The following STPG2 variants were observed in gnomAD, a reference collection of about 807,000 sequenced individuals.
STPG2 encodes the protein sperm tail PG-rich repeat containing 2.
A neutral mutation model predicts 54.2 loss-of-function variants in STPG2; 56 were observed. The ratio of observed to expected loss-of-function variants is 1.03; its 90% CI spans 0.83 to 1.29. STPG2 has a LOEUF of 1.29. STPG2 is among the 50% of genes most tolerant of loss of function. STPG2 has a pLI of 0.00. For missense variants in STPG2, 596 were observed against 544.9 expected (o/e 1.09, Z -0.93); for synonymous variants, 200 against 181.8 (o/e 1.10, Z -0.81).
At chr4:97,657,532 T>C (rs1722249751) in intron 10 of STPG2, among the ~76,000 whole-genome samples, 2 of 152,192 alleles carry the variant, frequency 1.3e-5, no homozygotes, top group African/African-American at 4.8e-5. Flanking sequence ...CCTCCACTTG[T>C]AATCCCCACA....
chr4:97,962,762 C>A (rs765490845), intron 7 of STPG2, among the ~76,000 whole-genome samples: 5 of 152,162 alleles, frequency 3.3e-5, no homozygotes, highest in Non-Finnish European at 1.5e-5. Context: ...ATAACTTGCA[C>A]GAGATCAGTG....
intron 10 of STPG2, among the ~76,000 whole-genome samples, chr4:97,665,775 G>A (rs908081652): frequency 6.6e-6 from 1 of 152,118 alleles, no homozygotes; most frequent in African/African-American, 2.4e-5. Flanking sequence ...CACTCCGTCA[G>A]CTTCCCTCCC....
At chr4:97,891,259 AC>A (rs1730761611) in intron 8 of STPG2, among the ~76,000 whole-genome samples, 1 of 152,126 alleles carries the variant, frequency 6.6e-6, no homozygotes, top group East Asian at 1.9e-4. Context: ...CTGTATAAGA[AC>A]ATAAGTTCTT....
At chr4:97,667,608 G>A (rs1722567779) in intron 10 of STPG2, among the ~76,000 whole-genome samples, 1 of 151,948 alleles carries the variant, frequency 6.6e-6, no homozygotes, top group Non-Finnish European at 1.5e-5. Flanking sequence ...CTTTAATATG[G>A]CACAAAAAAA....
intron 10 of STPG2, among the ~76,000 whole-genome samples, chr4:97,570,124 A>G (rs1732561559): frequency 6.6e-6 from 1 of 152,100 alleles, no homozygotes; most frequent in Non-Finnish European, 1.5e-5. Context: ...AAAACTAAAG[A>G]TACATGAAAA....
intron 9 of STPG2, among the ~76,000 whole-genome samples, chr4:97,721,353 A>G (rs1724441993): frequency 6.6e-6 from 1 of 152,112 alleles, no homozygotes; most frequent in Admixed American, 6.5e-5. Flanking sequence ...TCCCCAAGTA[A>G]TTACTCAGAT....
chr4:97,577,281 A>G (rs1370821339), intron 10 of STPG2, among the ~76,000 whole-genome samples: 1 of 152,220 alleles, frequency 6.6e-6, no homozygotes, highest in Non-Finnish European at 1.5e-5. Flanking sequence ...TGAAAAGGAC[A>G]CATGCTCTTT....
intron 7 of STPG2, among the ~76,000 whole-genome samples, chr4:97,958,797 C>A (rs915194727): frequency 6.6e-6 from 1 of 152,160 alleles, no homozygotes; most frequent in Non-Finnish European, 1.5e-5. Context: ...ACTTCACGCA[C>A]AGCACTAGAC....
intron 9 of STPG2, among the ~76,000 whole-genome samples, chr4:97,737,996 G>A (rs1393289340): frequency 2.6e-5 from 4 of 152,146 alleles, no homozygotes; most frequent in African/African-American, 9.7e-5. Context: ...AAGCCCATCA[G>A]GCTAACAGCG....
At chr4:97,731,074 G>A (rs906092342) in intron 9 of STPG2, among the ~76,000 whole-genome samples, 2 of 152,190 alleles carry the variant, frequency 1.3e-5, no homozygotes, top group Non-Finnish European at 2.9e-5. Context: ...GAGGCACTCT[G>A]ACTTTATCAG....
intron 8 of STPG2, among the ~76,000 whole-genome samples, chr4:97,866,263 A>G (rs1729774858): frequency 6.6e-6 from 1 of 152,002 alleles, no homozygotes; most frequent in Non-Finnish European, 1.5e-5. Context: ...TGAATTGTCC[A>G]TAACAAAAAA....
intron 9 of STPG2, among the ~76,000 whole-genome samples, chr4:97,747,410 T>C (rs1260404010): frequency 6.6e-6 from 1 of 151,368 alleles, no homozygotes; most frequent in Non-Finnish European, 1.5e-5. Flanking sequence ...ACGACTACAC[T>C]CATTTTTTAA....
Position 97,616,425 on chromosome 4 carries a change from A to G in STPG2, c.1321-57308T>C, listed in dbSNP as rs536093493. On this transcript the variant is annotated intron_variant, in intron 10 of 10. Coordinates refer to ENST00000295268, the MANE Select transcript of STPG2 (RefSeq NM_174952.3). ...CTTCAATTTTCATAGGCAAAGTAGC[A>G]CTAGAACTGTAACTATTCACAACAG... 2.6e-5 allele frequency among the ~76,000 whole-genome samples: 4 copies of G among 152,144 alleles called. No homozygotes were observed. In the East Asian group the frequency reaches 5.8e-4, roughly 22 times the overall value.
rs922265239 is a variant in STPG2, at chr4:97,981,266, G to A, written c.665C>T (p.Pro222Leu). 7 of 1,613,856 alleles carry A rather than the reference G, an allele frequency of 4.3e-6. No individual in the cohort carries two copies. The Admixed American group carries it at 8.3e-5, about 19-fold the overall frequency. The change falls in exon 6 of 11, where the codon CCT becomes CTT. Residue 222 changes from proline to leucine, a missense_variant. By Grantham distance (98) the Pro-to-Leu change is moderately conservative. Coordinates refer to ENST00000295268, the MANE Select transcript of STPG2 (RefSeq NM_174952.3). The part of the protein sequence containing the change: ...ITPAPGTYNE[P>L]RTALKSLKKT... ...CTTCAAAGACTTGAGAGCAGTTCGA[G>A]GTTCATTATATGTGCCAGGAGCCGG... is the stretch of plus-strand genomic sequence containing the variant.
chr4:98,112,546 G>A (rs1219896813), intron 3 of STPG2, among the ~76,000 whole-genome samples: 1 of 152,074 alleles, frequency 6.6e-6, no homozygotes, highest in African/African-American at 2.4e-5. Context: ...CTAATACAAA[G>A]ACTAACACAA....
chr4:97,683,551 C>T (rs1296205607), intron 10 of STPG2, among the ~76,000 whole-genome samples: 1 of 151,658 alleles, frequency 6.6e-6, no homozygotes, highest in South Asian at 2.1e-4. Context: ...TTCAGAAAAA[C>T]ATTTGACAAA....
At chr4:97,818,619 T>C (rs1727990622) in intron 9 of STPG2, among the ~76,000 whole-genome samples, 1 of 151,824 alleles carries the variant, frequency 6.6e-6, no homozygotes, top group African/African-American at 2.4e-5. Flanking sequence ...ATAAACCAAG[T>C]CCACTTTCTG....
chr4:97,963,195 T>C (rs1444240312), intron 7 of STPG2, among the ~76,000 whole-genome samples: 2 of 147,898 alleles, frequency 1.4e-5, no homozygotes, highest in Non-Finnish European at 3.0e-5. Flanking sequence ...AAAAAAACAA[T>C]AATTATTTTT....
chr4:97,740,018 A>C (rs1725167620), intron 9 of STPG2, among the ~76,000 whole-genome samples: 1 of 152,098 alleles, frequency 6.6e-6, no homozygotes, highest in Admixed American at 6.5e-5. Context: ...ATCCACCATG[A>C]TCAAGTGGGC....
Sources: gnomAD v4.1 joint callset for allele counts (sites outside exome capture counted in the v4.1 genomes callset) on GRCh38, gnomAD v4.1.1 for gene constraint, MANE v1.5 for transcripts, NCBI Gene and HGNC (gene_info 2026-07-23, HGNC 2026-07-21) for gene names.